Variants in STK32C observed in about 807,000 individuals in gnomAD.
STK32C encodes serine/threonine kinase 32C, also known as serine/threonine-protein kinase 32C.
In STK32C, 31 loss-of-function variants were observed where a neutral mutation model predicts 56.5. The observed-to-expected ratio is 0.55, with a 90% CI of 0.41 to 0.74. The LOEUF (loss-of-function observed/expected upper bound fraction) is 0.74, where lower values mean the gene tolerates loss of function less well. Ranked by LOEUF, STK32C falls within the 30% of genes least tolerant of loss-of-function variation. The pLI, the probability that STK32C is intolerant of heterozygous loss-of-function variation, is 0.00. For synonymous variants in STK32C, 309 were observed against 289.4 expected, an observed-to-expected ratio of 1.07 and a Z score of -0.69; for missense variants, 544 against 676.9, an observed-to-expected ratio of 0.80 and a Z score of 2.18.
chr10:132,307,520 C>T lies in STK32C; in HGVS notation c.262+52G>A. ...GCGGGAAAAAGCCGCCCAGCCGCGCCCGCCCCTGCAATAGCGCGCGGCCCC... is the reference window on the plus strand; with the variant it reads ...GCGGGAAAAAGCCGCCCAGCCGCGCTCGCCCCTGCAATAGCGCGCGGCCCC... On this transcript the variant is annotated intron_variant, in intron 1 of 11. Coordinates refer to ENST00000298630, the MANE Select transcript of STK32C (RefSeq NM_173575.4). This position sits in a 1 kb window ranked among gnomAD's most constrained non-coding sequence, Gnocchi z 4.4. 6.6e-7 allele frequency: 1 copy of T among 1,506,834 alleles called. No homozygotes were observed. The highest frequency in any genetic ancestry group is 8.9e-7 in the Non-Finnish European group (1 of 1,127,162). The allele number at this position is 1,506,834 out of a possible 1,614,324, so 93.3% of individuals were successfully genotyped here.
Position 132,241,556 on chromosome 10 carries a change from A to G in STK32C, c.318+4344T>C, listed in dbSNP as rs926348975. Among the ~76,000 whole-genome samples, 5 of 152,340 alleles carry G rather than the reference A, an allele frequency of 3.3e-5. No homozygotes were observed. In the East Asian group the frequency reaches 7.7e-4, roughly 23 times the overall value. On this transcript the variant is annotated intron_variant, in intron 2 of 11. Transcript: ENST00000298630. Reference sequence around the variant, plus strand: ...TCAACTTTGCTCTCAATTAATCTGAAAACGTAACTCCTATCCAAATCCCAG... The same window carrying G: ...TCAACTTTGCTCTCAATTAATCTGAGAACGTAACTCCTATCCAAATCCCAG...
intron 8 of STK32C, among the ~76,000 whole-genome samples, chr10:132,223,258 G>C (rs1247376512): frequency 6.6e-6 from 1 of 152,218 alleles, no homozygotes; most frequent in African/African-American, 2.4e-5. Flanking sequence ...GATCTGCAGG[G>C]AAGGCTCTGC....
intron 1 of STK32C, among the ~76,000 whole-genome samples, chr10:132,290,747 T>C (rs941242418): frequency 6.6e-6 from 1 of 152,152 alleles, no homozygotes; most frequent in Admixed American, 6.5e-5. Context: ...TCTACTGCTG[T>C]TCACAGGGCC....
At chr10:132,320,141 CAA>C (rs1384408730), downstream of STK32C, among the ~76,000 whole-genome samples, 4 of 151,458 alleles carry the variant, frequency 2.6e-5, no homozygotes, top group Admixed American at 6.6e-5. Flanking sequence ...AATTCTAAAA[CAA>C]GAGAAAAATT....
In STK32C at chr10:132,283,699, G is replaced by T. The variant is rs142765700; in HGVS notation, c.262+23873C>A. Among the ~76,000 whole-genome samples the T allele has an allele frequency of 1.3e-4, 20 of 152,314 alleles. No individual in the cohort carries two copies. The East Asian group carries it at 3.9e-3, about 29-fold the overall frequency. On this transcript the variant is annotated intron_variant, in intron 1 of 11. Transcript: ENST00000298630. ...GGAGGGAGAGGCCGCGGGCTGTCAT[G>T]GAGATGACCCCAGCACTAAGAGGAG...
At chr10:132,220,840 G>T (rs1269461033) in intron 10 of STK32C, among the ~76,000 whole-genome samples, 1 of 152,226 alleles carries the variant, frequency 6.6e-6, no homozygotes, top group Non-Finnish European at 1.5e-5. Context: ...AGACCCCGAA[G>T]CAGGGAACAG....
chr10:132,233,081 G>GGGGACGTGGGGACAGCAGGGC (rs1167629872), intron 2 of STK32C, among the ~76,000 whole-genome samples: 1 of 152,160 alleles, frequency 6.6e-6, no homozygotes, highest in East Asian at 1.9e-4. Context: ...AGTAGAGCCT[G>GGGGACGTGGGGACAGCAGGGC]GGGACGTGGG....
intron 10 of STK32C, among the ~76,000 whole-genome samples, chr10:132,210,096 C>G (rs1458814221): frequency 1.3e-5 from 2 of 152,232 alleles, no homozygotes; most frequent in African/African-American, 4.8e-5. Context: ...ACCACCCCCC[C>G]ATGCGATTGG....
intron 1 of STK32C, among the ~76,000 whole-genome samples, chr10:132,327,414 A>C (rs978778028): frequency 5.3e-5 from 8 of 152,120 alleles, no homozygotes; most frequent in African/African-American, 1.9e-4. Flanking sequence ...AAAACAAACT[A>C]ATACAGAGGC....
intron 2 of STK32C, among the ~76,000 whole-genome samples, chr10:132,244,766 C>T (rs990022714): frequency 6.6e-6 from 1 of 152,214 alleles, no homozygotes; most frequent in Non-Finnish European, 1.5e-5. Flanking sequence ...CTCGTGCACC[C>T]GCTGTGGGCC....
At chr10:132,325,121 C>T (rs2066470488) in intron 1 of STK32C, among the ~76,000 whole-genome samples, 1 of 151,992 alleles carries the variant, frequency 6.6e-6, no homozygotes. Flanking sequence ...TGGCTGTGTC[C>T]CCACCCAAAT....
rs926121700 is a variant in STK32C at position 132,314,939 on chromosome 10, A to G, written c.301+16497T>C. ...ATCCTGAGTTCAGGAGTTCAAGACC[A>G]GCCTGACCAACACGGAGAAACCCCA... On this transcript the variant is annotated intron_variant, in intron 1 of 3. Transcript: ENST00000368620. Among the ~76,000 whole-genome samples the G allele has an allele frequency of 1.4e-3, 208 of 152,286 alleles. 6 individuals carry two copies. Among genetic ancestry groups the G allele is most frequent in the Non-Finnish European group, 6.5e-4 (44 of 68,030 alleles).
At position 132,225,198 on chromosome 10, in the gene STK32C, G is replaced by C. The variant is rs778495197; in HGVS notation, c.876+35C>G. On this transcript the variant is annotated intron_variant, in intron 7 of 11. Transcript: ENST00000298630. ...TGGTGGGGGCAGAGAGCAGGGGCCT[G>C]GCAGCCAAGCCCAGGGGCTGCAGGG... 3 of 1,542,822 alleles carry C rather than the reference G, an allele frequency of 1.9e-6. No individual in the cohort carries two copies. The East Asian group carries it at 7.0e-5, about 36-fold the overall frequency.
At chr10:132,324,120 C>A in exon 2 of STK32C, 1 of 653,942 alleles carries the variant, frequency 1.5e-6, no homozygotes. Context: ...GGACCCACTC[C>A]AATCACAGCA....
chr10:132,249,159 C>G lies in STK32C; in HGVS notation c.263-3204G>C, dbSNP rs1590260584. 26 of 224,276 alleles carry G rather than the reference C, an allele frequency of 1.2e-4. 1 individual carries two copies. The highest frequency in any genetic ancestry group is 8.3e-4 in the South Asian group (24 of 28,852). 13.9% of individuals were successfully genotyped at this position (224,276 alleles called of 1,614,324 possible). ...CAGGGCGTGCAGGGGGCGGGGCGTG[C>G]AGGGGGCGGGGCTATGGGGGTCAGG... On this transcript the variant is annotated intron_variant, in intron 1 of 11. Transcript: ENST00000298630.
At chr10:132,256,611 C>G (rs566131148) in intron 1 of STK32C, among the ~76,000 whole-genome samples, 18 of 152,276 alleles carry the variant, frequency 1.2e-4, no homozygotes, top group African/African-American at 4.1e-4. Context: ...CCTCCAGCTC[C>G]CCAAACCGCT....
chr10:132,283,807 G>A (rs2065289988), intron 1 of STK32C, among the ~76,000 whole-genome samples: 1 of 152,182 alleles, frequency 6.6e-6, no homozygotes, highest in African/African-American at 2.4e-5. Flanking sequence ...CCGCCCCCAT[G>A]GCTGGCTGTG....
intron 1 of STK32C, among the ~76,000 whole-genome samples, chr10:132,325,556 A>G (rs1246927319): frequency 6.6e-6 from 1 of 151,156 alleles, no homozygotes; most frequent in Non-Finnish European, 1.5e-5. Context: ...CCGTCTTAAA[A>G]AAAAAAAAGG....
intron 2 of STK32C, among the ~76,000 whole-genome samples, chr10:132,231,053 C>G (rs1425635671): frequency 6.6e-6 from 1 of 152,212 alleles, no homozygotes; most frequent in Non-Finnish European, 1.5e-5. Context: ...CAGGCTCACC[C>G]AGGACCACCC....
Sources: allele counts gnomAD v4.1 joint callset (sites outside exome capture counted in the v4.1 genomes callset), GRCh38; gene constraint gnomAD v4.1.1; non-coding constraint Gnocchi (gnomAD v3.1); transcripts MANE v1.5; gene names NCBI Gene and HGNC (gene_info 2026-07-23, HGNC 2026-07-21).